Variants in TAOK3 observed in about 807,000 individuals in gnomAD.
The protein encoded by TAOK3 is TAO kinase 3.
In TAOK3, 40 loss-of-function variants were observed where a neutral mutation model predicts 120.4. The observed-to-expected ratio is 0.33, with a 90% CI of 0.26 to 0.43. TAOK3 has a LOEUF of 0.43. Ranked by LOEUF, TAOK3 falls within the 20% of genes least tolerant of loss-of-function variation. The probability of loss-of-function intolerance (pLI) is 1.00; values close to 1 mark genes in which losing one functional copy is unlikely to be tolerated. For synonymous variants in TAOK3, 355 were observed against 387.5 expected (o/e 0.92, Z 0.99); for missense variants, 821 against 1,112.1 (o/e 0.74, Z 3.72).
chr12:118,156,273 C>G (rs1201799962), intron 19 of TAOK3, among the ~76,000 whole-genome samples: 1 of 152,168 alleles, frequency 6.6e-6, no homozygotes, highest in Non-Finnish European at 1.5e-5. Flanking sequence ...TGGCCTGTTA[C>G]CTGACCTTCC....
At chr12:118,172,722 T>C (rs1426500630) in intron 16 of TAOK3, 62 bp from the exon 17 acceptor site, 2 of 1,393,322 alleles carry the variant, frequency 1.4e-6, no homozygotes, top group Non-Finnish European at 2.0e-6. Context: ...TAACAGCTTA[T>C]TGCAACTGAA....
intron 1 of TAOK3, among the ~76,000 whole-genome samples, chr12:118,304,476 G>A (rs2042980592): frequency 6.6e-6 from 1 of 152,080 alleles, no homozygotes; most frequent in Non-Finnish European, 1.5e-5. Flanking sequence ...TTCTTCGTAT[G>A]ATAACTTGAT....
intron 2 of TAOK3, among the ~76,000 whole-genome samples, chr12:118,258,676 C>A (rs1376234809): frequency 6.7e-6 from 1 of 149,690 alleles, no homozygotes; most frequent in Admixed American, 6.7e-5. Flanking sequence ...CGTGCCACTG[C>A]ATTCAAGCCT....
intron 2 of TAOK3, chr12:118,256,104 G>C (rs2040975104): frequency 6.6e-6 from 1 of 150,868 alleles, no homozygotes; most frequent in South Asian, 2.1e-4. Flanking sequence ...AAAAAGAACA[G>C]ACATATGATT....
chr12:118,168,315 A>G (rs1037697731), intron 17 of TAOK3, among the ~76,000 whole-genome samples: 1 of 152,224 alleles, frequency 6.6e-6, no homozygotes, highest in Admixed American at 6.5e-5. Flanking sequence ...ATTTGCTAAG[A>G]GGACAAGTCC....
chr12:118,167,055 T>C (rs1211133070), intron 17 of TAOK3, among the ~76,000 whole-genome samples: 2 of 152,182 alleles, frequency 1.3e-5, no homozygotes, highest in Non-Finnish European at 2.9e-5. Flanking sequence ...AAAACGAGAA[T>C]TCTAACTTTT....
chr12:118,248,610 G>T (rs1176349843), intron 3 of TAOK3, among the ~76,000 whole-genome samples: 4 of 152,026 alleles, frequency 2.6e-5, no homozygotes, highest in Non-Finnish European at 2.9e-5. Flanking sequence ...AACTTCTTGT[G>T]AGGTTTTAAA....
At chr12:118,370,338 A>G (rs900184579) in intron 1 of TAOK3, among the ~76,000 whole-genome samples, 3 of 152,222 alleles carry the variant, frequency 2.0e-5, no homozygotes, top group African/African-American at 7.2e-5. Context: ...TTGGATTTAC[A>G]TAGCAGTTAT....
Position 118,212,981 on chromosome 12 carries a change from C to T in TAOK3, c.752G>A (p.Arg251Lys), listed in dbSNP as rs775947136. ...CTGCAAGCAGTAATCAACAAATCTC[C>T]TAAAGGAGTCTGTCCTGTGTGTGCA... is the stretch of plus-strand genomic sequence containing the variant. ...LQSNEWTDSF[R>K]RFVDYCLQKI... is the part of the protein sequence containing the mutation. The change falls in exon 11 of 21, where the codon AGG becomes AAG. Residue 251 changes from arginine to lysine, a missense_variant. Coordinates refer to ENST00000392533, the MANE Select transcript of TAOK3 (RefSeq NM_016281.4). The T allele has an allele frequency of 6.2e-7, 1 of 1,611,978 alleles. No individual in the cohort carries two copies. The highest frequency in any genetic ancestry group is 1.1e-5 in the South Asian group (1 of 90,870).
At chr12:118,338,272 A>T (rs2044449185) in intron 1 of TAOK3, among the ~76,000 whole-genome samples, 2 of 152,166 alleles carry the variant, frequency 1.3e-5, no homozygotes, top group South Asian at 4.1e-4. Context: ...AATTGTGATT[A>T]TATGGATGTT....
chr12:118,235,704 C>T, intron 7 of TAOK3, 33 bp from the exon 8 acceptor site: 1 of 1,449,996 alleles, frequency 6.9e-7, no homozygotes, highest in Non-Finnish European at 9.6e-7. Context: ...TAGAAAATTA[C>T]TTTTCAATTT....
Position 118,150,694 on chromosome 12 carries a change from G to T in TAOK3, c.*303C>A. On this transcript the variant is annotated 3_prime_UTR_variant, in exon 21 of 21. Coordinates refer to ENST00000392533, the MANE Select transcript of TAOK3 (RefSeq NM_016281.4). Reference sequence around the variant, plus strand: ...TTTTTGTTGTTGGTTTATTGGTTTTGTTAAAACTGTCTCCAAAGTTTTCAC... The same window carrying T: ...TTTTTGTTGTTGGTTTATTGGTTTTTTTAAAACTGTCTCCAAAGTTTTCAC... 4.2e-6 allele frequency: 1 copy of T among 240,632 alleles called. No individual in the cohort carries two copies. The highest frequency in any genetic ancestry group is 8.0e-6 in the Non-Finnish European group (1 of 125,034). The allele number at this position is 240,632 out of a possible 1,614,324, so 14.9% of individuals were successfully genotyped here. A position where few individuals can be genotyped will look rare whatever the true frequency, so the allele number is the denominator to read the frequency against.
intron 1 of TAOK3, among the ~76,000 whole-genome samples, chr12:118,348,890 C>T (rs971593165): frequency 3.4e-5 from 5 of 147,166 alleles, no homozygotes; most frequent in African/African-American, 1.3e-4. Flanking sequence ...CTCTTGTTGC[C>T]CGGGTCTCAC....
chr12:118,325,743 G>C (rs892329426), intron 1 of TAOK3, among the ~76,000 whole-genome samples: 1 of 152,114 alleles, frequency 6.6e-6, no homozygotes, highest in Non-Finnish European at 1.5e-5. Context: ...GCAGTAGCAT[G>C]ATCTCGGCTC....
intron 11 of TAOK3, among the ~76,000 whole-genome samples, chr12:118,207,423 G>A (rs934536578): frequency 6.7e-6 from 1 of 148,848 alleles, no homozygotes; most frequent in Non-Finnish European, 1.5e-5. Context: ...TTTTAGACAT[G>A]TCCCTTTCTT....
At chr12:118,169,647 TTC>T (rs1485892067) in intron 17 of TAOK3, among the ~76,000 whole-genome samples, 4 of 151,922 alleles carry the variant, frequency 2.6e-5, no homozygotes, top group Admixed American at 1.3e-4. Flanking sequence ...CTTTAATCTC[TTC>T]TCTGTTTCTA....
chr12:118,367,383 T>A (rs1437152939), intron 1 of TAOK3, among the ~76,000 whole-genome samples: 2 of 152,148 alleles, frequency 1.3e-5, no homozygotes, highest in African/African-American at 4.8e-5. Context: ...TCAATTTAAT[T>A]CTATCAGTTA....
At chr12:118,176,809 CA>C (rs2036367795) in intron 16 of TAOK3, among the ~76,000 whole-genome samples, 1 of 151,898 alleles carries the variant, frequency 6.6e-6, no homozygotes. Context: ...TCTTGTCGCC[CA>C]GACTGGAGTG....
intron 1 of TAOK3, among the ~76,000 whole-genome samples, chr12:118,281,197 T>C (rs902067672): frequency 1.3e-5 from 2 of 152,196 alleles, no homozygotes; most frequent in Non-Finnish European, 2.9e-5. Context: ...TTCTTTCTTT[T>C]GCCTGACTTC....
Sources: allele counts gnomAD v4.1 joint callset (sites outside exome capture counted in the v4.1 genomes callset), GRCh38; gene constraint gnomAD v4.1.1; transcripts MANE v1.5; gene names NCBI Gene and HGNC (gene_info 2026-07-23, HGNC 2026-07-21).